GNAT3: variants seen among roughly 807,000 people sequenced by gnomAD.
GNAT3 encodes the protein guanine nucleotide-binding protein G(t) subunit alpha-3.
Under a neutral mutation model 37.7 loss-of-function variants are expected in GNAT3, and 31 were observed. The ratio of observed to expected loss-of-function variants is 0.82; its 90% CI spans 0.62 to 1.11. GNAT3 has a LOEUF of 1.11. Among genes scored for constraint, GNAT3 ranks in the 50% most tolerant of loss-of-function variants. The pLI is 0.00. For missense variants in GNAT3, 437 were observed against 412.5 expected (o/e 1.06, Z -0.51); for synonymous variants, 138 against 139.8 (o/e 0.99, Z 0.09).
intron 3 of GNAT3, among the ~76,000 whole-genome samples, chr7:80,479,887 G>C (rs905696560): frequency 6.6e-6 from 1 of 151,916 alleles, no homozygotes; most frequent in Non-Finnish European, 1.5e-5. Flanking sequence ...ATCCCTGTAG[G>C]CATTGTTGAT....
chr7:80,481,668 C>T (rs931933762), intron 3 of GNAT3, among the ~76,000 whole-genome samples: 2 of 152,038 alleles, frequency 1.3e-5, no homozygotes, highest in African/African-American at 2.4e-5. Context: ...CTTTTCAAGG[C>T]CTTTTCTGAT....
At chr7:80,477,482 G>C (rs1790326212) in intron 4 of GNAT3, among the ~76,000 whole-genome samples, 1 of 152,230 alleles carries the variant, frequency 6.6e-6, no homozygotes, top group African/African-American at 2.4e-5. Flanking sequence ...CTCTCCATCA[G>C]AGAGCTAGGA....
chr7:80,503,837 A>G (rs1294806993), intron 1 of GNAT3, among the ~76,000 whole-genome samples: 2 of 152,236 alleles, frequency 1.3e-5, no homozygotes, highest in African/African-American at 4.8e-5. Context: ...TTTTAGAGTC[A>G]TATCAGTTAA....
chr7:80,467,114 C>G (rs537537456), intron 5 of GNAT3, among the ~76,000 whole-genome samples: 3 of 152,242 alleles, frequency 2.0e-5, no homozygotes, highest in East Asian at 1.9e-4. Context: ...ATAGAACTCA[C>G]GTACTATGAC....
At chr7:80,488,992 T>A (rs1252696544) in intron 2 of GNAT3, among the ~76,000 whole-genome samples, 1 of 152,090 alleles carries the variant, frequency 6.6e-6, no homozygotes, top group Admixed American at 6.6e-5. Context: ...GAGAAAAATT[T>A]CTAGATTCCC....
intron 3 of GNAT3, among the ~76,000 whole-genome samples, chr7:80,487,965 T>C (rs982259101): frequency 1.3e-5 from 2 of 152,096 alleles, no homozygotes; most frequent in Non-Finnish European, 2.9e-5. Flanking sequence ...AAATATAAAG[T>C]AGGGAGAAAA....
chr7:80,462,236 A>G lies in GNAT3; in HGVS notation c.797T>C (p.Leu266Pro), dbSNP rs771820004. The G allele has an allele frequency of 6.2e-7, 1 of 1,611,102 alleles. No individual in the cohort carries two copies. The highest frequency in any genetic ancestry group is 2.2e-5 in the East Asian group (1 of 44,812). ...AAAGATATCTTTTTTGTTGAGGAAC[A>G]GGACAATGGAGGTTGTTGAAAAATA... ...HKYFSTTSIV[L>P]FLNKKDIFQE... The change falls in exon 7 of 8, where the codon CTG (leucine) becomes CCG (proline). Residue 266 changes from leucine to proline, a missense_variant. Coordinates refer to ENST00000398291, the MANE Select transcript of GNAT3 (RefSeq NM_001102386.3).
intron 5 of GNAT3, among the ~76,000 whole-genome samples, chr7:80,466,085 C>T (rs1346028994): frequency 6.6e-6 from 1 of 152,026 alleles, no homozygotes; most frequent in Non-Finnish European, 1.5e-5. Context: ...TAATCCCCAC[C>T]TCAGGGGGGG....
At chr7:80,464,473 T>A (rs930267074) in intron 5 of GNAT3, among the ~76,000 whole-genome samples, 2 of 152,098 alleles carry the variant, frequency 1.3e-5, no homozygotes, top group Non-Finnish European at 2.9e-5. Context: ...GAAATGTAGA[T>A]TTCATATTGC....
intron 1 of GNAT3, among the ~76,000 whole-genome samples, chr7:80,505,725 G>A (rs1790926073): frequency 6.6e-6 from 1 of 152,094 alleles, no homozygotes. Flanking sequence ...TTATTCTATT[G>A]AAATATACTG....
chr7:80,511,814 A>T lies in GNAT3; in HGVS notation c.113T>A (p.Leu38Gln), dbSNP rs771625680. 5.0e-6 allele frequency: 8 copies of T among 1,598,974 alleles called. No individual in the cohort carries two copies. The East Asian group carries it at 1.8e-4, about 36-fold the overall frequency. The change falls in exon 1 of 8, where the codon CTA (leucine) becomes CAA (glutamine). Residue 38 changes from leucine to glutamine, a missense_variant. Physicochemically the swap from Leu to Gln is moderately radical, Grantham distance 113. Coordinates refer to ENST00000398291, the MANE Select transcript of GNAT3 (RefSeq NM_001102386.3). ...ERDARTVKLL[L>Q]LGAGESGKST... Reference sequence around the variant, plus strand: ...CAAAAGGGAAAAGAAATTACCTAATAGTAGCAGCTTTACGGTTCTTGCATC... The same window carrying T: ...CAAAAGGGAAAAGAAATTACCTAATTGTAGCAGCTTTACGGTTCTTGCATC...
At chr7:80,506,615 C>T (rs1227817189) in intron 1 of GNAT3, among the ~76,000 whole-genome samples, 1 of 152,126 alleles carries the variant, frequency 6.6e-6, no homozygotes, top group East Asian at 1.9e-4. Context: ...TTTAAACTCT[C>T]CAAGTAGGTC....
intron 2 of GNAT3, among the ~76,000 whole-genome samples, chr7:80,494,156 A>G (rs1162063237): frequency 6.6e-6 from 1 of 152,212 alleles, no homozygotes; most frequent in Non-Finnish European, 1.5e-5. Flanking sequence ...TAAAAAGGAA[A>G]AAGTAGAGAA....
At position 80,485,804 on chromosome 7, in the gene GNAT3, T is replaced by C. The variant is rs148382338; in HGVS notation, c.303+2731A>G. Among the ~76,000 whole-genome samples the C allele has an allele frequency of 5.4e-3, 816 of 152,300 alleles. 6 individuals are homozygous for C. Among genetic ancestry groups the C allele is most frequent in the African/African-American group, 0.019 (775 of 41,566 alleles). On this transcript the variant is annotated intron_variant, in intron 3 of 7. Transcript: ENST00000398291. ...AATGTACATTCTATAATACTCTGTATATAGTGGATTTCTTATGTTTTTGCT... is the reference window on the plus strand; with the variant it reads ...AATGTACATTCTATAATACTCTGTACATAGTGGATTTCTTATGTTTTTGCT...
chr7:80,465,680 A>G (rs994024526), intron 5 of GNAT3, among the ~76,000 whole-genome samples: 2 of 152,082 alleles, frequency 1.3e-5, no homozygotes, highest in African/African-American at 2.4e-5. Flanking sequence ...GTGGACAGAA[A>G]TTATCTTCAC....
intron 5 of GNAT3, among the ~76,000 whole-genome samples, chr7:80,464,297 G>A (rs531481213): frequency 6.6e-6 from 1 of 152,044 alleles, no homozygotes. Context: ...GAAGATAGCA[G>A]AAGTGTAAAA....
At chr7:80,466,347 C>T (rs1040734846) in intron 5 of GNAT3, among the ~76,000 whole-genome samples, 1 of 151,936 alleles carries the variant, frequency 6.6e-6, no homozygotes, top group Non-Finnish European at 1.5e-5. Context: ...TCTTTCATTC[C>T]GATTGATATT....
intron 4 of GNAT3, among the ~76,000 whole-genome samples, chr7:80,475,505 T>G (rs1009730303): frequency 6.6e-6 from 1 of 152,066 alleles, no homozygotes; most frequent in Non-Finnish European, 1.5e-5. Flanking sequence ...AGCATGGTAA[T>G]GCCTTTATGA....
intron 1 of GNAT3, among the ~76,000 whole-genome samples, chr7:80,501,235 CA>C (rs1388134832): frequency 6.6e-6 from 1 of 151,892 alleles, no homozygotes; most frequent in African/African-American, 2.4e-5. Flanking sequence ...TACAGAAGTT[CA>C]AGAATATAGT....
Sources: gnomAD v4.1 joint callset for allele counts (sites outside exome capture counted in the v4.1 genomes callset) on GRCh38, gnomAD v4.1.1 for gene constraint, MANE v1.5 for transcripts, NCBI Gene and HGNC (gene_info 2026-07-23, HGNC 2026-07-21) for gene names.